Variants in VRK2 observed in about 807,000 individuals in gnomAD.
VRK2 encodes the protein VRK serine/threonine kinase 2.
VRK2 carries 60 observed loss-of-function variants against 57.6 expected under a neutral mutation model. The observed-to-expected ratio is 1.04, with a 90% CI of 0.85 to 1.29. VRK2 has a LOEUF of 1.29. Ranked by LOEUF, VRK2 falls within the 50% of genes most tolerant of loss-of-function variation. The pLI is 0.00. For missense variants in VRK2, 705 were observed against 588.1 expected (o/e 1.20, Z -2.06); for synonymous variants, 231 against 199.2 (o/e 1.16, Z -1.35).
At chr2:58,006,430 G>C (rs910050112) in intron 1 of VRK2, among the ~76,000 whole-genome samples, 3 of 152,094 alleles carry the variant, frequency 2.0e-5, no homozygotes, top group Non-Finnish European at 2.9e-5. Context: ...ATGTTAGAGT[G>C]GATTTACCAT....
At chr2:58,063,493 C>T (rs970191502) in intron 2 of VRK2, among the ~76,000 whole-genome samples, 3 of 151,738 alleles carry the variant, frequency 2.0e-5, no homozygotes, top group African/African-American at 7.3e-5. Context: ...TCTCATGTAC[C>T]CCATACATTT....
chr2:58,015,491 TATTAA>T (rs1292007191), intron 1 of VRK2, among the ~76,000 whole-genome samples: 2 of 152,178 alleles, frequency 1.3e-5, no homozygotes, highest in Non-Finnish European at 2.9e-5. Flanking sequence ...TATTATTTTA[TATTAA>T]ATTAAATGAT....
intron 1 of VRK2, among the ~76,000 whole-genome samples, chr2:57,942,255 A>G (rs1265601630): frequency 6.6e-6 from 1 of 152,204 alleles, no homozygotes; most frequent in Non-Finnish European, 1.5e-5. Context: ...TTCTGTACAT[A>G]ATATATTTTA....
intron 12 of VRK2, among the ~76,000 whole-genome samples, chr2:58,154,424 TCA>T (rs1683485803): frequency 6.6e-6 from 1 of 152,036 alleles, no homozygotes; most frequent in African/African-American, 2.4e-5. Context: ...GATGTTTAAC[TCA>T]CACTAATTAA....
At chr2:57,969,783 C>G (rs1281279225) in intron 1 of VRK2, among the ~76,000 whole-genome samples, 1 of 152,106 alleles carries the variant, frequency 6.6e-6, no homozygotes, top group African/African-American at 2.4e-5. Flanking sequence ...TATGCTTAAG[C>G]AGCTTAAGAA....
At chr2:58,007,612 A>T (rs1673287842) in intron 1 of VRK2, among the ~76,000 whole-genome samples, 1 of 152,146 alleles carries the variant, frequency 6.6e-6, no homozygotes, top group African/African-American at 2.4e-5. Flanking sequence ...TACATATAAC[A>T]TACAAAATAT....
chr2:57,929,711 A>T (rs1323978268), intron 1 of VRK2, among the ~76,000 whole-genome samples: 1 of 152,118 alleles, frequency 6.6e-6, no homozygotes, highest in Non-Finnish European at 1.5e-5. Context: ...CTCAAGGCCC[A>T]CAGAAAGTAC....
intron 1 of VRK2, among the ~76,000 whole-genome samples, chr2:58,015,940 T>C (rs1487995186): frequency 6.6e-6 from 1 of 152,122 alleles, no homozygotes; most frequent in East Asian, 1.9e-4. Context: ...TTTTTTCTTA[T>C]AGCTAGCTTT....
At chr2:58,062,311 C>T (rs186909464) in intron 2 of VRK2, among the ~76,000 whole-genome samples, 1 of 152,140 alleles carries the variant, frequency 6.6e-6, no homozygotes, top group African/African-American at 2.4e-5. Context: ...TCCCTTTCCT[C>T]AGACCTCTCT....
At chr2:58,137,133 C>CAT (rs1363060523) in intron 10 of VRK2, among the ~76,000 whole-genome samples, 1 of 19,892 alleles carries the variant, frequency 5.0e-5, no homozygotes, top group Non-Finnish European at 1.2e-4. Flanking sequence ...GTGTATATAT[C>CAT]ATATATCATA....
At chr2:58,121,154 A>T (rs1677448889) in intron 7 of VRK2, among the ~76,000 whole-genome samples, 1 of 152,210 alleles carries the variant, frequency 6.6e-6, no homozygotes, top group Admixed American at 6.5e-5. Context: ...TAAAATGGAG[A>T]TAAGGGGACT....
At chr2:57,944,777 T>A (rs1671209480) in intron 1 of VRK2, among the ~76,000 whole-genome samples, 1 of 151,032 alleles carries the variant, frequency 6.6e-6, no homozygotes, top group Non-Finnish European at 1.5e-5. Context: ...AATTCATGCA[T>A]CAGGTAAACA....
intron 8 of VRK2, among the ~76,000 whole-genome samples, 196 bp downstream of exon 8, chr2:58,123,429 A>G (rs1206457489): frequency 1.3e-5 from 2 of 152,208 alleles, no homozygotes; most frequent in Non-Finnish European, 2.9e-5. Flanking sequence ...TTAGACTGTG[A>G]CAAGTGGTGA....
chr2:57,999,792 T>C (rs1253822371), intron 1 of VRK2, among the ~76,000 whole-genome samples: 1 of 152,236 alleles, frequency 6.6e-6, no homozygotes, highest in African/African-American at 2.4e-5. Context: ...CATCTGGAAG[T>C]ATAAGGTAGT....
intron 1 of VRK2, among the ~76,000 whole-genome samples, chr2:57,916,488 G>C (rs938356953): frequency 6.6e-5 from 10 of 151,044 alleles, no homozygotes; most frequent in Admixed American, 1.3e-4. Context: ...TTTAACTTCA[G>C]GTTAGCCTAT....
intron 11 of VRK2, among the ~76,000 whole-genome samples, chr2:58,145,912 G>A (rs1303322104): frequency 6.6e-6 from 1 of 151,972 alleles, no homozygotes. Context: ...TCAGAATGAT[G>A]GTTTCCAGCT....
chr2:57,943,480 G>A (rs1256380540), intron 1 of VRK2, among the ~76,000 whole-genome samples: 1 of 152,198 alleles, frequency 6.6e-6, no homozygotes, highest in Admixed American at 6.5e-5. Flanking sequence ...GGACCTAGAA[G>A]TTGTAACATG....
At chr2:58,068,277 T>C (rs970910698) in intron 2 of VRK2, among the ~76,000 whole-genome samples, 6 of 152,190 alleles carry the variant, frequency 3.9e-5, no homozygotes, top group African/African-American at 1.4e-4. Flanking sequence ...TAATTCTCTT[T>C]AGTTTTCTTC....
chr2:58,136,912 T>TTATAC (rs1558684950), intron 10 of VRK2, among the ~76,000 whole-genome samples: 1 of 123,570 alleles, frequency 8.1e-6, no homozygotes, highest in Non-Finnish European at 1.5e-5. Context: ...ATCATATATA[T>TTATAC]ATCATATATG....
Sources: gnomAD v4.1 joint callset for allele counts (sites outside exome capture counted in the v4.1 genomes callset) on GRCh38, gnomAD v4.1.1 for gene constraint, MANE v1.5 for transcripts, NCBI Gene and HGNC (gene_info 2026-07-23, HGNC 2026-07-21) for gene names.